The following NDRG1 variants were observed in gnomAD, a reference collection of about 807,000 sequenced individuals.
The protein encoded by NDRG1 is N-myc downstream regulated 1, also known as protein NDRG1.
NDRG1 carries 32 observed loss-of-function variants against 56.9 expected under a neutral mutation model. The ratio of observed to expected loss-of-function variants is 0.56; its 90% CI spans 0.42 to 0.76. The LOEUF (loss-of-function observed/expected upper bound fraction) is 0.76. Ranked by LOEUF, NDRG1 falls within the 30% of genes least tolerant of loss-of-function variation. The pLI is 0.00. For missense variants in NDRG1, 507 were observed against 545.7 expected, an observed-to-expected ratio of 0.93 and a Z score of 0.71; for synonymous variants, 211 against 204.1, an observed-to-expected ratio of 1.03 and a Z score of -0.29.
At chr8:133,274,991 C>A (rs150700812) in intron 3 of NDRG1, among the ~76,000 whole-genome samples, 2 of 152,192 alleles carry the variant, frequency 1.3e-5, no homozygotes, top group Non-Finnish European at 2.9e-5. Flanking sequence ...GCTGTCCTGT[C>A]GCTTTGCTGC....
chr8:133,246,775 G>A, intron 12 of NDRG1, 112 bp from the exon 13 acceptor site: 1 of 1,012,584 alleles, frequency 9.9e-7, no homozygotes. Context: ...ATTTCTGCTG[G>A]CAAAGAAGAA....
chr8:133,239,431 T>C (rs1855259107), intron 15 of NDRG1: 1 of 547,350 alleles, frequency 1.8e-6, no homozygotes, highest in African/African-American at 1.9e-5. Flanking sequence ...GCCTCCCTGT[T>C]CCCATCTGTA....
At chr8:133,246,512 C>T in intron 13 of NDRG1, 104 bp downstream of exon 13, 1 of 1,153,844 alleles carries the variant, frequency 8.7e-7, no homozygotes, top group Non-Finnish European at 1.3e-6. Flanking sequence ...TCTATAGTTT[C>T]TGATCGTGTG....
chr8:133,294,021 A>G (rs993599744), intron 1 of NDRG1, among the ~76,000 whole-genome samples: 1 of 152,158 alleles, frequency 6.6e-6, no homozygotes, highest in Non-Finnish European at 1.5e-5. Flanking sequence ...TGTTTTCCAC[A>G]TGCTCAGTGC....
chr8:133,281,327 A>T (rs1479834107), intron 2 of NDRG1, among the ~76,000 whole-genome samples: 1 of 151,382 alleles, frequency 6.6e-6, no homozygotes, highest in Non-Finnish European at 1.5e-5. Flanking sequence ...ATGGCACTCC[A>T]GCCTGGGCAA....
chr8:133,269,701 A>G (rs1857096544), intron 3 of NDRG1, among the ~76,000 whole-genome samples: 1 of 152,132 alleles, frequency 6.6e-6, no homozygotes, highest in East Asian at 1.9e-4. Context: ...AGAAGAGGGG[A>G]AGGAAACCTT....
In NDRG1 at chr8:133,284,316, C is replaced by G. The variant is rs770399688; in HGVS notation, c.-5G>C. 1.2e-6 allele frequency: 2 copies of G among 1,614,110 alleles called. No homozygotes were observed. The highest frequency in any genetic ancestry group is 4.5e-5 in the East Asian group (2 of 44,870). ...ATCCTGCATCTCCCGAGACATGTCCCTGCTGTCACCTGCCTGCAAGGAGAC... is the reference window on the plus strand; with the variant it reads ...ATCCTGCATCTCCCGAGACATGTCCGTGCTGTCACCTGCCTGCAAGGAGAC... On this transcript the variant is annotated 5_prime_UTR_variant, in exon 2 of 16. Transcript: ENST00000323851.
chr8:133,267,973 C>A (rs1405017470), intron 3 of NDRG1, among the ~76,000 whole-genome samples: 1 of 152,198 alleles, frequency 6.6e-6, no homozygotes, highest in Non-Finnish European at 1.5e-5. Flanking sequence ...ATGTCCCTGG[C>A]AGCCCCCGGA....
At chr8:133,273,913 A>G (rs570626092) in intron 3 of NDRG1, among the ~76,000 whole-genome samples, 6 of 152,112 alleles carry the variant, frequency 3.9e-5, no homozygotes, top group African/African-American at 1.4e-4. Context: ...CTCCCTACTC[A>G]TCAAATCTGC....
At chr8:133,294,672 G>GGC (rs61067121) in intron 1 of NDRG1, among the ~76,000 whole-genome samples, 1 of 107,364 alleles carries the variant, frequency 9.3e-6, no homozygotes, top group African/African-American at 4.7e-5. Context: ...CTTCTGTCAT[G>GGC]GGGGGGGGGC....
chr8:133,275,494 A>T (rs760644295), intron 3 of NDRG1, among the ~76,000 whole-genome samples: 3 of 152,062 alleles, frequency 2.0e-5, no homozygotes, highest in African/African-American at 7.2e-5. Context: ...ATCTATCCCC[A>T]GTCTCTTTGT....
intron 6 of NDRG1, chr8:133,258,860 C>T (rs554150038): frequency 2.1e-5 from 11 of 524,020 alleles, no homozygotes; most frequent in Admixed American, 1.3e-4. Context: ...CAGGCAACTC[C>T]ATTCCAGAAC....
chr8:133,255,129 G>A, intron 8 of NDRG1: 1 of 361,802 alleles, frequency 2.8e-6, no homozygotes, highest in South Asian at 2.1e-5. Context: ...ATAAGTCCTA[G>A]TATACAGCAG....
rs1443853720 is a variant in NDRG1, at chr8:133,238,161, T to C, written c.*717A>G. ...ATGCCCAACGTTTGCTGAAATATTT[T>C]TGTCTGTAAAGCCAGGAGATTTTGT... On this transcript the variant is annotated 3_prime_UTR_variant, in exon 16 of 16. Coordinates refer to ENST00000323851, the MANE Select transcript of NDRG1 (RefSeq NM_006096.4). 2 of 232,996 alleles carry C rather than the reference T, an allele frequency of 8.6e-6. No homozygotes were observed. The highest frequency in any genetic ancestry group is 8.5e-6 in the Non-Finnish European group (1 of 117,948). 14.4% of individuals were successfully genotyped at this position (232,996 alleles called of 1,614,324 possible). A position where few individuals can be genotyped will look rare whatever the true frequency, so the allele number is the denominator to read the frequency against.
intron 3 of NDRG1, among the ~76,000 whole-genome samples, chr8:133,267,304 A>T (rs1438245418): frequency 6.6e-6 from 1 of 152,158 alleles, no homozygotes; most frequent in Non-Finnish European, 1.5e-5. Flanking sequence ...TGGCACAGGG[A>T]CGCAGCAGTG....
At chr8:133,255,609 G>C in intron 8 of NDRG1, 1 of 343,956 alleles carries the variant, frequency 2.9e-6, no homozygotes, top group South Asian at 2.2e-5. Flanking sequence ...AAAACAGGGA[G>C]TGTGTTCCAC....
chr8:133,245,019 C>T (rs1296975465), intron 13 of NDRG1, among the ~76,000 whole-genome samples: 4 of 152,008 alleles, frequency 2.6e-5, no homozygotes, highest in Admixed American at 6.6e-5. Context: ...TGGGGTGAAA[C>T]GGGGCTGGAG....
chr8:133,255,576 T>G, intron 8 of NDRG1: 2 of 339,964 alleles, frequency 5.9e-6, no homozygotes, highest in South Asian at 4.5e-5. Context: ...GAATGTCACT[T>G]CCTTTGCTGG....
chr8:133,249,008 A>C, intron 10 of NDRG1, among the ~76,000 whole-genome samples: 1 of 152,120 alleles, frequency 6.6e-6, no homozygotes, highest in African/African-American at 2.4e-5. Flanking sequence ...ATTTTGTCAC[A>C]AATATTTGTG....
Sources: allele counts gnomAD v4.1 joint callset (sites outside exome capture counted in the v4.1 genomes callset), GRCh38; gene constraint gnomAD v4.1.1; transcripts MANE v1.5; gene names NCBI Gene and HGNC (gene_info 2026-07-23, HGNC 2026-07-21).